The following RANBP2 variants were observed in gnomAD, a reference collection of about 807,000 sequenced individuals.
The protein encoded by RANBP2 is RAN binding protein 2, also known as E3 SUMO-protein ligase RanBP2.
RANBP2 carries 57 observed loss-of-function variants against 303.6 expected under a neutral mutation model. The observed-to-expected ratio is 0.19, with a 90% confidence interval of 0.15 to 0.23. RANBP2 has a LOEUF of 0.23. RANBP2 is among the 10% of genes least tolerant of loss of function. The probability of loss-of-function intolerance (pLI) is 1.00; values close to 1 mark genes in which losing one functional copy is unlikely to be tolerated. For missense variants in RANBP2, 3,138 were observed against 3,780.8 expected (o/e 0.83, Z 4.46); for synonymous variants, 1,167 against 1,301.5 (o/e 0.90, Z 2.23).
At chr2:109,023,571 G>C in the RANBP2 span, among the ~76,000 whole-genome samples, 26 of 152,208 alleles carry the variant, frequency 1.7e-4, no homozygotes, top group Admixed American at 1.7e-3. Context: ...GGGAGGCCTA[G>C]GTGGGAGGAT....
At chr2:109,279,361 A>G in the RANBP2 span, among the ~76,000 whole-genome samples, 1 of 152,206 alleles carries the variant, frequency 6.6e-6, no homozygotes, top group Non-Finnish European at 1.5e-5. Context: ...ATTAGGCTAA[A>G]TCGGCAGTGG....
chr2:109,093,813 A>C, the RANBP2 span, among the ~76,000 whole-genome samples: 5 of 152,212 alleles, frequency 3.3e-5, no homozygotes, highest in African/African-American at 1.2e-4. Context: ...CTTGATGCCC[A>C]TATGAGAAAA....
At chr2:109,004,536 T>C in the RANBP2 span, among the ~76,000 whole-genome samples, 1 of 152,158 alleles carries the variant, frequency 6.6e-6, no homozygotes, top group Non-Finnish European at 1.5e-5. Context: ...GTCCAACCAT[T>C]GGGCATCATC....
chr2:108,909,737 C>T, the RANBP2 span, among the ~76,000 whole-genome samples: 1 of 152,242 alleles, frequency 6.6e-6, no homozygotes, highest in Non-Finnish European at 1.5e-5. Context: ...TGACTTCCCT[C>T]TACCCTCGAT....
At chr2:109,774,505 T>TATATATATATAAA in the RANBP2 span, among the ~76,000 whole-genome samples, 12 of 32,048 alleles carry the variant, frequency 3.7e-4, 1 homozygote, top group East Asian at 1.1e-3. Flanking sequence ...CAAACATATA[T>TATATATATATAAA]ATATATATAA....
the RANBP2 span, among the ~76,000 whole-genome samples, chr2:109,173,951 G>T: frequency 6.6e-6 from 1 of 152,210 alleles, no homozygotes; most frequent in East Asian, 1.9e-4. Flanking sequence ...AGCAGATGTC[G>T]GGTTCAGGCT....
At chr2:109,301,716 A>G in the RANBP2 span, among the ~76,000 whole-genome samples, 5 of 152,312 alleles carry the variant, frequency 3.3e-5, no homozygotes, top group Non-Finnish European at 5.9e-5. Flanking sequence ...TGGTTTCTCA[A>G]AGGCCTTTGA....
chr2:109,688,863 G>A, the RANBP2 span, among the ~76,000 whole-genome samples: 3 of 146,640 alleles, frequency 2.0e-5, no homozygotes, highest in African/African-American at 5.1e-5. Flanking sequence ...TTCCTTTCCT[G>A]GCCTACATTT....
chr2:108,925,804 A>G, the RANBP2 span, among the ~76,000 whole-genome samples: 9 of 152,036 alleles, frequency 5.9e-5, no homozygotes, highest in African/African-American at 2.2e-4. Flanking sequence ...TTTAATAGAG[A>G]TGGGGTTTCA....
At chr2:109,522,602 C>CT in the RANBP2 span, among the ~76,000 whole-genome samples, 1 of 60,886 alleles carries the variant, frequency 1.6e-5, no homozygotes, top group African/African-American at 4.2e-5. Context: ...CCGTGCCCAG[C>CT]CTTTTTTTTT....
At chr2:109,496,790 G>A in the RANBP2 span, among the ~76,000 whole-genome samples, 1 of 151,968 alleles carries the variant, frequency 6.6e-6, no homozygotes, top group African/African-American at 2.4e-5. Flanking sequence ...AGAGAAATCA[G>A]GTTGCAGATG....
chr2:109,521,553 C>T, the RANBP2 span, among the ~76,000 whole-genome samples: 1 of 152,226 alleles, frequency 6.6e-6, no homozygotes, highest in Non-Finnish European at 1.5e-5. Context: ...GGAGCTGGCA[C>T]TCAGTGCATG....
the RANBP2 span, among the ~76,000 whole-genome samples, chr2:109,066,430 T>C: frequency 1.3e-5 from 2 of 152,094 alleles, no homozygotes; most frequent in African/African-American, 4.8e-5. Context: ...TATAAAGGCA[T>C]GCCCTCTCCA....
the RANBP2 span, among the ~76,000 whole-genome samples, chr2:109,347,030 G>C: frequency 6.5e-4 from 99 of 152,238 alleles, 1 homozygote; most frequent in Non-Finnish European, 2.1e-4. Flanking sequence ...TGTGTGTACC[G>C]CTGGCCATGA....
the RANBP2 span, among the ~76,000 whole-genome samples, chr2:109,272,687 C>T: frequency 6.6e-6 from 1 of 152,356 alleles, no homozygotes; most frequent in Admixed American, 6.5e-5. Flanking sequence ...GTCATGGAGA[C>T]AATACAGGCT....
At chr2:109,265,602 A>G in the RANBP2 span, among the ~76,000 whole-genome samples, 1 of 152,202 alleles carries the variant, frequency 6.6e-6, no homozygotes, top group South Asian at 2.1e-4. Context: ...TGACTCAGAA[A>G]GCCCCCCAGG....
chr2:109,067,680 C>G, the RANBP2 span, among the ~76,000 whole-genome samples: 2 of 152,198 alleles, frequency 1.3e-5, no homozygotes, highest in African/African-American at 4.8e-5. Flanking sequence ...GGAATCAACC[C>G]GGACTCTGCC....
At chr2:108,896,093 A>G in the RANBP2 span, 4 of 152,244 alleles carry the variant, frequency 2.6e-5, no homozygotes, top group African/African-American at 4.8e-5. Context: ...TGCAGACCAC[A>G]GGGTTCCCAG....
At chr2:109,024,952 C>T in the RANBP2 span, among the ~76,000 whole-genome samples, 1 of 152,266 alleles carries the variant, frequency 6.6e-6, no homozygotes, top group East Asian at 1.9e-4. Flanking sequence ...GCCATCACCA[C>T]TCCTTCCAAA....
Sources: gnomAD v4.1 joint callset for allele counts (sites outside exome capture counted in the v4.1 genomes callset) on GRCh38, gnomAD v4.1.1 for gene constraint, MANE v1.5 for transcripts, NCBI Gene and HGNC (gene_info 2026-07-23, HGNC 2026-07-21) for gene names.